The following PLEKHG7 variants were observed in gnomAD, a reference collection of about 807,000 sequenced individuals.
PLEKHG7 encodes pleckstrin homology and RhoGEF domain containing G7.
Under a neutral mutation model 85.2 loss-of-function variants are expected in PLEKHG7, and 77 were observed. The ratio of observed to expected loss-of-function variants is 0.90; its 90% CI spans 0.75 to 1.09. The LOEUF is 1.09. PLEKHG7 is among the 50% of genes least tolerant of loss of function. PLEKHG7 has a pLI of 0.00. For synonymous variants in PLEKHG7, 301 were observed against 302.4 expected (o/e 1.00, Z 0.05); for missense variants, 777 against 804.3 (o/e 0.97, Z 0.41).
rs1872766749 is a variant in PLEKHG7, at chr12:92,754,278, A to G, written c.1426+14A>G. 1.2e-6 allele frequency: 2 copies of G among 1,611,296 alleles called. No individual in the cohort carries two copies. Among genetic ancestry groups the G allele is most frequent in the Non-Finnish European group, 1.7e-6 (2 of 1,177,924 alleles). On this transcript the variant is annotated intron_variant, in intron 11 of 16. Transcript: ENST00000344636. ...AAAAGTCCATCCGTAAGTCCCTGAGATAAGTGAGCTTAATTACAGAATTGT... is the reference window on the plus strand; with the variant it reads ...AAAAGTCCATCCGTAAGTCCCTGAGGTAAGTGAGCTTAATTACAGAATTGT...
chr12:92,751,691 C>T (rs960309431), intron 10 of PLEKHG7, among the ~76,000 whole-genome samples: 9 of 151,246 alleles, frequency 6.0e-5, no homozygotes, highest in African/African-American at 2.2e-4. Flanking sequence ...TTGAATTTGG[C>T]AGAATCCCCA....
intron 9 of PLEKHG7, among the ~76,000 whole-genome samples, chr12:92,744,808 G>T (rs1224913779): frequency 3.9e-5 from 6 of 152,024 alleles, no homozygotes; most frequent in African/African-American, 1.5e-4. Context: ...TAGGACTACA[G>T]GCCCATGCTG....
intron 8 of PLEKHG7, 106 bp from the exon 9 acceptor site, chr12:92,741,385 T>G (rs985626031): frequency 5.2e-6 from 3 of 580,178 alleles, no homozygotes; most frequent in Non-Finnish European, 8.6e-6. Flanking sequence ...AGGAGATATA[T>G]TTGAAATGGG....
intron 1 of PLEKHG7, among the ~76,000 whole-genome samples, chr12:92,705,378 C>T (rs1313116328): frequency 6.6e-6 from 1 of 152,146 alleles, no homozygotes; most frequent in African/African-American, 2.4e-5. Flanking sequence ...ATAATACACC[C>T]TAGAAAAGTT....
At chr12:92,718,830 T>A (rs1432643682) in intron 3 of PLEKHG7, among the ~76,000 whole-genome samples, 1 of 152,172 alleles carries the variant, frequency 6.6e-6, no homozygotes, top group Non-Finnish European at 1.5e-5. Flanking sequence ...GCAGTTACCA[T>A]GGTGCTCTGA....
At chr12:92,753,150 C>T (rs1282370232) in intron 10 of PLEKHG7, among the ~76,000 whole-genome samples, 1 of 152,138 alleles carries the variant, frequency 6.6e-6, no homozygotes, top group African/African-American at 2.4e-5. Flanking sequence ...ATATTAATCC[C>T]TTTATCGCTG....
At chr12:92,764,301 C>T in intron 15 of PLEKHG7, 107 bp downstream of exon 15, 1 of 1,177,784 alleles carries the variant, frequency 8.5e-7, no homozygotes, top group Non-Finnish European at 1.2e-6. Context: ...TTCATAAAAA[C>T]AAGACTGTGT....
intron 2 of PLEKHG7, 155 bp from the exon 3 acceptor site, chr12:92,707,495 G>T: frequency 6.8e-7 from 1 of 1,460,390 alleles, no homozygotes; most frequent in Non-Finnish European, 9.0e-7. Context: ...TTTAAAAGGG[G>T]AGAAAGAGCC....
chr12:92,714,493 G>A (rs755586189), intron 3 of PLEKHG7, among the ~76,000 whole-genome samples: 3 of 152,166 alleles, frequency 2.0e-5, no homozygotes, highest in Non-Finnish European at 4.4e-5. Flanking sequence ...TTGCAGGTCA[G>A]CTACTCACAT....
Position 92,707,623 on chromosome 12 carries a change from A to G in PLEKHG7, c.508-27A>G, listed in dbSNP as rs781696508. On this transcript the variant is annotated intron_variant, in intron 2 of 16. Coordinates refer to ENST00000344636, the MANE Select transcript of PLEKHG7 (RefSeq NM_001377329.1). ...TTGGGATGGGTTTGAGCAAGACTAAAACATATGTTCTTAAAATTTATTTCA... is the reference window on the plus strand; with the variant it reads ...TTGGGATGGGTTTGAGCAAGACTAAGACATATGTTCTTAAAATTTATTTCA... 4 of 1,610,602 alleles carry G rather than the reference A, an allele frequency of 2.5e-6. No homozygotes were observed. In the African/African-American group the frequency reaches 4.0e-5, roughly 16 times the overall value.
chr12:92,757,233 G>A (rs574682349), intron 13 of PLEKHG7, among the ~76,000 whole-genome samples: 16 of 152,308 alleles, frequency 1.1e-4, no homozygotes, highest in African/African-American at 3.4e-4. Context: ...ATGAACCAAC[G>A]GATGTGTAAG....
Position 92,755,944 on chromosome 12 carries a change from C to T in PLEKHG7, c.1542+4C>T, listed in dbSNP as rs777866416. ...TAAAAGGTTTTTCATTCCAGAGGTA[C>T]AAAAAAAAAATCAATTAGGACTTAT... On this transcript the variant is annotated splice_donor_region_variant and intron_variant, in intron 12 of 16. Coordinates refer to ENST00000344636, the MANE Select transcript of PLEKHG7 (RefSeq NM_001377329.1). 12 of 1,412,212 alleles carry T rather than the reference C, an allele frequency of 8.5e-6. No homozygotes were observed. The South Asian group carries it at 1.5e-4, about 17-fold the overall frequency. 87.5% of individuals were successfully genotyped at this position (1,412,212 alleles called of 1,614,324 possible).
Position 92,707,158 on chromosome 12 carries a change from C to G in PLEKHG7, c.507+20C>G, listed in dbSNP as rs763063273. ...CCTCAGGTAACACAGCTCTAAGCCT[C>G]CGGCCTCTCAGTTGCTGAACCACAA... is the stretch of plus-strand genomic sequence containing the variant. On this transcript the variant is annotated intron_variant, in intron 2 of 16. Coordinates refer to ENST00000344636, the MANE Select transcript of PLEKHG7 (RefSeq NM_001377329.1). The G allele has an allele frequency of 6.3e-7, 1 of 1,594,606 alleles. No individual in the cohort carries two copies. Among genetic ancestry groups the G allele is most frequent in the East Asian group, 2.2e-5 (1 of 44,608 alleles).
chr12:92,761,715 T>C (rs752753406), intron 13 of PLEKHG7, 37 bp from the exon 14 acceptor site: 4 of 1,530,686 alleles, frequency 2.6e-6, no homozygotes, highest in Non-Finnish European at 3.5e-6. Context: ...ACTTAACAGT[T>C]TCAGGTCCCC....
chr12:92,727,690 G>A (rs1037587136), intron 3 of PLEKHG7, among the ~76,000 whole-genome samples: 1 of 151,974 alleles, frequency 6.6e-6, no homozygotes, highest in Non-Finnish European at 1.5e-5. Flanking sequence ...CCAGGTTCAA[G>A]CGATTCTCCT....
At position 92,706,530 on chromosome 12, in the gene PLEKHG7, T is replaced by G. The variant is rs529961044; in HGVS notation, c.-102T>G. 1 of 1,384,554 alleles carries G rather than the reference T, an allele frequency of 7.2e-7. No homozygotes were observed. The highest frequency in any genetic ancestry group is 1.4e-5 in the African/African-American group (1 of 69,462). 85.8% of individuals were successfully genotyped at this position (1,384,554 alleles called of 1,614,324 possible). ...AGGAAAAGAACTACGAGAGGAAGCA[T>G]GGCACTTGGATGCAGAAATTGAGCA... On this transcript the variant is annotated 5_prime_UTR_variant, in exon 2 of 17. It removes an upstream start codon present in the reference 5' UTR. Coordinates refer to ENST00000344636, the MANE Select transcript of PLEKHG7 (RefSeq NM_001377329.1).
At chr12:92,736,004 G>A (rs905655058) in intron 5 of PLEKHG7, among the ~76,000 whole-genome samples, 1 of 152,138 alleles carries the variant, frequency 6.6e-6, no homozygotes, top group Non-Finnish European at 1.5e-5. Flanking sequence ...CTGGTATTCT[G>A]TAGCAGAGAA....
At chr12:92,728,389 A>G (rs1592677553) in intron 3 of PLEKHG7, among the ~76,000 whole-genome samples, 1 of 88,422 alleles carries the variant, frequency 1.1e-5, no homozygotes, top group Non-Finnish European at 2.2e-5. Context: ...ATATATAAAT[A>G]TATATACACA....
In PLEKHG7 at chr12:92,761,670, GAAAGAAAGA is replaced by G. The variant is rs766518884; in HGVS notation, c.1637-79_1637-71del. The G allele has an allele frequency of 2.8e-3, 3,598 of 1,278,744 alleles. 48 individuals are homozygous for G. The highest frequency in any genetic ancestry group is 3.1e-3 in the Non-Finnish European group (3,039 of 989,624). 79.2% of individuals were successfully genotyped at this position (1,278,744 alleles called of 1,614,324 possible). Reference sequence around the variant, plus strand: ...AGAAAGAAAGAAAGAAAGAAAGAAAGAAAGAAAGAAAGAAAGGGAAAGAAAAACTCTTCT... The same window carrying G: ...AGAAAGAAAGAAAGAAAGAAAGAAAGAAGAAAGGGAAAGAAAAACTCTTCT... On this transcript the variant is annotated intron_variant, in intron 13 of 16. Transcript: ENST00000344636.
Sources: allele counts gnomAD v4.1 joint callset (sites outside exome capture counted in the v4.1 genomes callset), GRCh38; gene constraint gnomAD v4.1.1; transcripts MANE v1.5; gene names NCBI Gene and HGNC (gene_info 2026-07-23, HGNC 2026-07-21).